HELZ2: variants seen among roughly 807,000 people sequenced by gnomAD.
The protein encoded by HELZ2 is 3'-5' exoribonuclease HELZ2.
A neutral mutation model predicts 208.8 loss-of-function variants in HELZ2; 143 were observed. The ratio of observed to expected loss-of-function variants is 0.68; its 90% CI spans 0.60 to 0.79. The LOEUF (loss-of-function observed/expected upper bound fraction) is 0.79, where lower values mean the gene tolerates loss of function less well. HELZ2 is among the 30% of genes least tolerant of loss of function. HELZ2 has a pLI of 0.00. For missense variants in HELZ2, 3,690 were observed against 3,794.5 expected, an observed-to-expected ratio of 0.97 and a Z score of 0.72; for synonymous variants, 1,705 against 1,693.7, an observed-to-expected ratio of 1.01 and a Z score of -0.16.
exon 5 of HELZ2, chr20:63,568,851 G>T: frequency 6.2e-7 from 1 of 1,612,242 alleles, no homozygotes; most frequent in Non-Finnish European, 8.5e-7. Context: ...CTGACCGCCC[G>T]GCCCAGCAGG....
intron 3 of HELZ2, 193 bp downstream of exon 4, chr20:63,570,311 A>G (rs2083004528): frequency 1.4e-6 from 1 of 708,936 alleles, no homozygotes; most frequent in African/African-American, 1.8e-5. Flanking sequence ...CCAAGGTGGG[A>G]CTGTCCTGGC....
At chr20:63,569,520 A>G (rs747972651) in exon 4 of HELZ2, 6 of 1,609,864 alleles carry the variant, frequency 3.7e-6, no homozygotes, top group South Asian at 1.1e-5. Context: ...CTGCACACGC[A>G]CTCCCACCTG....
In HELZ2 at chr20:63,563,693, AAGGCCTGGCAGAGCCC is replaced by A; in HGVS notation, c.5113_5128del (p.Gly1705SerfsTer260). 6.3e-7 allele frequency: 1 copy of A among 1,582,912 alleles called. No individual in the cohort carries two copies. The highest frequency in any genetic ancestry group is 8.5e-7 in the Non-Finnish European group (1 of 1,169,770). Reference sequence around the variant, plus strand: ...CTGGGCAAGTGCGTGCTGGAGGCTGAAGGCCTGGCAGAGCCCATCGATGTCCCTGGCAGAGTAGGCA... The same window carrying A: ...CTGGGCAAGTGCGTGCTGGAGGCTGAATCGATGTCCCTGGCAGAGTAGGCA... On this transcript the variant is annotated frameshift_variant, in exon 8 of 19. Transcript: ENST00000467148. LOFTEE classifies it high-confidence loss of function.
At position 63,568,869 on chromosome 20, in the gene HELZ2, G is replaced by T. The variant is rs768531861; in HGVS notation, c.1219C>A (p.Gln407Lys). The change falls in exon 5 of 19, where the codon CAG becomes AAG. Residue 407 changes from glutamine (Q) to lysine (K), a missense_variant. Physicochemically the swap from Gln to Lys is moderately conservative, Grantham distance 53. This residue lies in a region of HELZ2 where 1,119 missense variants were observed against 1,193.4 expected (regional missense o/e 0.94). Transcript: ENST00000467148. ...ACCGCCCGGCCCAGCAGGAAGCCCT[G>T]GTCTGTGTCTGGCATCAGGGAGGAG... 7 of 1,612,186 alleles carry T rather than the reference G, an allele frequency of 4.3e-6. No homozygotes were observed. The East Asian group carries it at 1.6e-4, about 36-fold the overall frequency.
chr20:63,561,533 C>A (rs894331134), intron 12 of HELZ2, 67 bp from the exon 14 acceptor site: 3 of 1,574,160 alleles, frequency 1.9e-6, no homozygotes, highest in East Asian at 2.2e-5. Flanking sequence ...TCAGTGAGAC[C>A]CACCTACACA....
chr20:63,563,506 G>A, exon 8 of HELZ2: 1 of 1,514,248 alleles, frequency 6.6e-7, no homozygotes, highest in Non-Finnish European at 8.8e-7. Flanking sequence ...GGGAGCCGTA[G>A]GGGACGGGGC....
exon 8 of HELZ2, chr20:63,563,381 G>T: frequency 2.6e-6 from 4 of 1,536,916 alleles, no homozygotes; most frequent in Non-Finnish European, 3.5e-6. Flanking sequence ...GTCCGGCACA[G>T]TGCCAGGCAG....
At chr20:63,568,304 G>A (rs2082983228) in intron 5 of HELZ2, 54 bp downstream of exon 6, 4 of 1,359,722 alleles carry the variant, frequency 2.9e-6, no homozygotes, top group East Asian at 2.3e-5. Flanking sequence ...CCTGCCCGGT[G>A]TAGACTTGGG....
chr20:63,570,755 T>C, exon 2 of HELZ2: 1 of 1,602,036 alleles, frequency 6.2e-7, no homozygotes, highest in South Asian at 1.1e-5. Flanking sequence ...CAGCCCGTCC[T>C]GCCAGGCCGC....
downstream of HELZ2, chr20:63,559,171 G>T: frequency 7.0e-7 from 1 of 1,422,840 alleles, no homozygotes; most frequent in Non-Finnish European, 9.3e-7. Context: ...GCTGATGGCG[G>T]AGGGTGGTGG....
exon 4 of HELZ2, chr20:63,569,657 C>T: frequency 2.6e-6 from 4 of 1,530,828 alleles, no homozygotes; most frequent in Non-Finnish European, 2.6e-6. Context: ...CCACGTGTAG[C>T]AGGGGCTCCT....
chr20:63,566,033 C>A, exon 8 of HELZ2: 1 of 1,592,984 alleles, frequency 6.3e-7, no homozygotes. Flanking sequence ...ACGGATGAAG[C>A]TCTCCCAGAG....
chr20:63,565,786 G>T (rs1418760532), exon 8 of HELZ2: 4 of 1,599,964 alleles, frequency 2.5e-6, no homozygotes, highest in Non-Finnish European at 3.4e-6. Flanking sequence ...TGGTTGCCGT[G>T]ATGTCACGGG....
chr20:63,565,728 C>G, exon 8 of HELZ2: 2 of 1,605,216 alleles, frequency 1.2e-6, no homozygotes, highest in Non-Finnish European at 8.5e-7. Flanking sequence ...ACCACGTCTT[C>G]CTTCACTGCG....
At position 63,567,175 on chromosome 20, in the gene HELZ2, G is replaced by A. The variant is rs1228405545; in HGVS notation, c.2183C>T (p.Thr728Ile). ...GCGGCTCTGCCGCGCCACCTCGTGA[G>A]TCTCCTGCTGGTAGCACAGGAAGAG... The change falls in exon 6 of 19, where the codon ACT becomes ATT. Residue 728 changes from threonine to isoleucine, a missense_variant. Transcript: ENST00000467148. The A allele has an allele frequency of 2.5e-6, 4 of 1,608,942 alleles. No homozygotes were observed.
chr20:63,565,923 G>A lies in HELZ2; in HGVS notation c.2899C>T (p.Gln967Ter). Residue 967 changes from glutamine (Q) to a stop codon, truncating the protein, a stop_gained, in exon 8 of 19, where the codon CAG becomes TAG. Coordinates refer to ENST00000467148, the Ensembl canonical transcript of HELZ2. LOFTEE classifies it high-confidence loss of function. ...TCCCAGTTCCCCGCTGCCCCAGCCT[G>A]TGTGCCTCGGGGAGGCCAGCGCCGT... is the stretch of plus-strand genomic sequence containing the variant. 6.3e-7 allele frequency: 1 copy of A among 1,598,584 alleles called. No individual in the cohort carries two copies. The highest frequency in any genetic ancestry group is 8.5e-7 in the Non-Finnish European group (1 of 1,179,480).
chr20:63,566,745 GATGGGGAAA>G (rs1210027146), intron 6 of HELZ2, 90 bp downstream of exon 7: 3 of 1,233,164 alleles, frequency 2.4e-6, no homozygotes, highest in Non-Finnish European at 3.4e-6. Flanking sequence ...CCCTCTTACA[GATGGGGAAA>G]CTGAGGCGGG....
At chr20:63,562,541 A>G in exon 8 of HELZ2, 1 of 1,590,540 alleles carries the variant, frequency 6.3e-7, no homozygotes. Context: ...CTGCTTGGGC[A>G]GCAGCTCAAC....
At chr20:63,570,264 C>A (rs762052605) in intron 3 of HELZ2, 98 of 658,198 alleles carry the variant, frequency 1.5e-4, no homozygotes, top group Non-Finnish European at 2.5e-4. Flanking sequence ...CTGGCCAAAT[C>A]CTTGTTTTAA....
Sources: gnomAD v4.1 joint callset for allele counts on GRCh38, gnomAD v4.1.1 for gene constraint, gnomAD v4.1.1 regional missense constraint, MANE v1.5 for transcripts, NCBI Gene and HGNC (gene_info 2026-07-23, HGNC 2026-07-21) for gene names.